RYR2: variants seen among roughly 807,000 people sequenced by gnomAD.
RYR2 encodes the protein cardiac muscle ryanodine receptor-calcium release channel.
Under a neutral mutation model 601.1 loss-of-function variants are expected in RYR2, and 227 were observed. The observed-to-expected ratio is 0.38, with a 90% CI of 0.34 to 0.42. The LOEUF is 0.42. Among genes scored for constraint, RYR2 ranks in the 10% least tolerant of loss-of-function variants. The pLI, the probability that RYR2 is intolerant of heterozygous loss-of-function variation, is 1.00. For missense variants in RYR2, 4,646 were observed against 6,156.5 expected (o/e 0.75, Z 8.21); for synonymous variants, 2,223 against 2,175.1 (o/e 1.02, Z -0.61).
At chr1:237,302,183 C>T (rs1246031550) in intron 2 of RYR2, among the ~76,000 whole-genome samples, 1 of 152,142 alleles carries the variant, frequency 6.6e-6, no homozygotes, top group Non-Finnish European at 1.5e-5. Flanking sequence ...CAAACTTCCA[C>T]TCAAAAGCTT....
At chr1:237,597,760 CA>C (rs1676051812) in intron 34 of RYR2, among the ~76,000 whole-genome samples, 2 of 151,834 alleles carry the variant, frequency 1.3e-5, no homozygotes, top group African/African-American at 4.8e-5. Flanking sequence ...CAAAGGTAAG[CA>C]AGAGAGCAAG....
intron 23 of RYR2, among the ~76,000 whole-genome samples, chr1:237,511,027 G>C (rs3766842): frequency 6.6e-6 from 1 of 151,976 alleles, no homozygotes; most frequent in Non-Finnish European, 1.5e-5. Flanking sequence ...CAGTCCTGTC[G>C]TTAATTGATG....
chr1:237,730,359 A>T lies in RYR2; in HGVS notation c.10935+3A>T. The T allele has an allele frequency of 6.6e-7, 1 of 1,509,254 alleles. No individual in the cohort carries two copies. The highest frequency in any genetic ancestry group is 9.2e-7 in the Non-Finnish European group (1 of 1,084,810). The allele number at this position is 1,509,254 out of a possible 1,614,324, so 93.5% of individuals were successfully genotyped here. ...ATAAACTGATAGAAGATTTAGCAGT[A>T]TGTTTTTAGTGGGGCTCTAAGATGA... is the stretch of plus-strand genomic sequence containing the variant. On this transcript the variant is annotated splice_donor_region_variant and intron_variant, in intron 77 of 104. Transcript: ENST00000366574.
chr1:237,814,043 A>C (rs1424780281), intron 100 of RYR2, among the ~76,000 whole-genome samples: 2 of 152,174 alleles, frequency 1.3e-5, no homozygotes, highest in African/African-American at 4.8e-5. Context: ...TGTCCCTAAA[A>C]ACTCCCACAT....
At chr1:237,580,282 A>C (rs1417036094) in intron 29 of RYR2, among the ~76,000 whole-genome samples, 4 of 149,044 alleles carry the variant, frequency 2.7e-5, no homozygotes, top group African/African-American at 1.0e-4. Context: ...CAACCTCCTG[A>C]GTAGCTGGGA....
chr1:237,795,376 T>C (rs763810016), intron 96 of RYR2, 45 bp downstream of exon 96: 1 of 977,868 alleles, frequency 1.0e-6, no homozygotes, highest in East Asian at 2.8e-5. Context: ...AAGCACAGTT[T>C]AGATTTTTAT....
Position 237,674,212 on chromosome 1 carries a change from G to C in RYR2, c.8707G>C (p.Val2903Leu). 1 of 1,609,082 alleles carries C rather than the reference G, an allele frequency of 6.2e-7. No homozygotes were observed. Reference sequence around the variant, plus strand: ...GTTCTTGCAGATCAATGGATATGCTGTATCCAGGTAAAAGTACACATACCC... The same window carrying C: ...GTTCTTGCAGATCAATGGATATGCTCTATCCAGGTAAAAGTACACATACCC... ...LKFLQINGYA[V>L]SRGFKDLELD... Residue 2903 changes from valine to leucine, a missense_variant, in exon 59 of 105, where the codon GTA becomes CTA. Physicochemically the swap from Val to Leu is conservative, Grantham distance 32. This residue lies in a region of RYR2 where 1,497 missense variants were observed against 1,842.6 expected (regional missense o/e 0.81). Transcript: ENST00000366574.
At position 237,193,917 on chromosome 1, in the gene RYR2, A is replaced by G. The variant is rs912184804; in HGVS notation, c.49-76580A>G. On this transcript the variant is annotated intron_variant, in intron 1 of 104. Transcript: ENST00000366574. The stretch of plus-strand genomic sequence containing the variant: ...TAATAAAAAATCTCTTATGAAGAAA[A>G]GATTGCCTTTCTCTTGCGTCAAACA... Among the ~76,000 whole-genome samples, 3 of 152,218 alleles carry G rather than the reference A, an allele frequency of 2.0e-5. No individual in the cohort carries two copies. The South Asian group carries it at 6.2e-4, about 32-fold the overall frequency.
At chr1:237,704,287 A>C (rs1419727349) in intron 66 of RYR2, among the ~76,000 whole-genome samples, 1 of 152,136 alleles carries the variant, frequency 6.6e-6, no homozygotes, top group Non-Finnish European at 1.5e-5. Flanking sequence ...TACTAGAAAT[A>C]TATCTGAACT....
At chr1:237,112,571 CAA>C (rs11419585) in intron 1 of RYR2, among the ~76,000 whole-genome samples, 53,281 of 137,022 alleles carry the variant, frequency 0.39, 11,416 homozygotes, top group Admixed American at 0.52. Context: ...GCTACAACAT[CAA>C]AAAAAAAAAA....
At chr1:237,749,702 T>C (rs1368593273) in intron 80 of RYR2, among the ~76,000 whole-genome samples, 2 of 152,208 alleles carry the variant, frequency 1.3e-5, no homozygotes, top group East Asian at 3.8e-4. Flanking sequence ...TTCTCTTCAT[T>C]TTTAAGGGCA....
At chr1:237,149,714 T>C (rs890067465) in intron 1 of RYR2, among the ~76,000 whole-genome samples, 12 of 152,246 alleles carry the variant, frequency 7.9e-5, no homozygotes, top group African/African-American at 2.9e-4. Context: ...GACTTCTCCG[T>C]TAATTTCATT....
chr1:237,437,147 C>T (rs1707477735), intron 12 of RYR2, among the ~76,000 whole-genome samples: 1 of 151,846 alleles, frequency 6.6e-6, no homozygotes, highest in African/African-American at 2.4e-5. Flanking sequence ...TGGGTTCACG[C>T]CATTCTCCTG....
chr1:237,601,559 A>G (rs1020298929), intron 34 of RYR2, among the ~76,000 whole-genome samples: 7 of 152,108 alleles, frequency 4.6e-5, no homozygotes, highest in Non-Finnish European at 7.4e-5. Flanking sequence ...GGTATTGTAT[A>G]TCTCAAAATA....
rs117242563 is a variant in RYR2 at position 237,500,730 on chromosome 1, A to G, written c.2223A>G (p.Val741=). 5.5e-5 allele frequency: 89 copies of G among 1,610,804 alleles called. No individual in the cohort carries two copies. The East Asian group carries it at 1.9e-3, about 35-fold the overall frequency. The part of the protein sequence containing the change: ...HLWSGCIART[V]SSPNQHLLRT... The stretch of plus-strand genomic sequence containing the variant: ...CAATAGGTTGTATTGCTCGTACTGT[A>G]AGCTCACCAAACCAACATCTGTTAA... Residue 741 remains valine, a synonymous_variant, in exon 21 of 105, where the codon GTA becomes GTG. Transcript: ENST00000366574.
intron 40 of RYR2, among the ~76,000 whole-genome samples, chr1:237,626,273 T>A (rs1463866581): frequency 6.6e-6 from 1 of 152,190 alleles, no homozygotes. Context: ...TAAGCACCCT[T>A]GGGCTGTGAG....
At chr1:237,488,402 G>A (rs1027970423) in intron 17 of RYR2, among the ~76,000 whole-genome samples, 1 of 152,138 alleles carries the variant, frequency 6.6e-6, no homozygotes, top group African/African-American at 2.4e-5. Context: ...GTCCTCACAT[G>A]GTGGAAGGGA....
chr1:237,234,341 C>T (rs1685320614), intron 1 of RYR2, among the ~76,000 whole-genome samples: 1 of 152,176 alleles, frequency 6.6e-6, no homozygotes, highest in Non-Finnish European at 1.5e-5. Context: ...ACTCCTTTAT[C>T]AACCCTTTGG....
chr1:237,440,487 A>G (rs1386616213), intron 12 of RYR2, among the ~76,000 whole-genome samples: 3 of 152,206 alleles, frequency 2.0e-5, no homozygotes, highest in African/African-American at 7.2e-5. Flanking sequence ...GATCACAGCT[A>G]TGCATGGGAG....
Sources: gnomAD v4.1 joint callset for allele counts (sites outside exome capture counted in the v4.1 genomes callset) on GRCh38, gnomAD v4.1.1 for gene constraint, gnomAD v4.1.1 regional missense constraint, MANE v1.5 for transcripts, NCBI Gene and HGNC (gene_info 2026-07-23, HGNC 2026-07-21) for gene names.